Variants in ZNF691 observed in about 807,000 individuals in gnomAD.
ZNF691 encodes the protein zinc finger protein 691.
ZNF691 carries 11 observed loss-of-function variants against 24.1 expected under a neutral mutation model. The ratio of observed to expected loss-of-function variants is 0.46; its 90% CI spans 0.29 to 0.75. ZNF691 has a LOEUF of 0.75. ZNF691 is among the 30% of genes least tolerant of loss of function. ZNF691 has a pLI of 0.11. For missense variants in ZNF691, 356 were observed against 409.0 expected (o/e 0.87, Z 1.12); for synonymous variants, 149 against 153.9 (o/e 0.97, Z 0.23).
chr1:42,851,108 A>T lies in ZNF691; in HGVS notation c.243A>T (p.Gln81His), dbSNP rs1655374999. ...HGQESLSDEL[Q>H]ETHPKKPWQK... ...AAGAGAGCCTGTCGGATGAACTGCA[A>T]GAAACTCATCCAAAAAAGCCATGGC... The change falls in exon 4 of 4, where the codon CAA (glutamine) becomes CAT (histidine). Residue 81 changes from glutamine (Q) to histidine (H), a missense_variant. Gln to His is a conservative substitution (Grantham distance 24). Transcript: ENST00000651192. This position sits in a 1 kb window ranked among gnomAD's most constrained non-coding sequence, Gnocchi z 4.7. 1 of 1,613,694 alleles carries T rather than the reference A, an allele frequency of 6.2e-7. No individual in the cohort carries two copies. Among genetic ancestry groups the T allele is most frequent in the East Asian group, 2.2e-5 (1 of 44,876 alleles).
intron 1 of ZNF691, among the ~76,000 whole-genome samples, 168 bp downstream of exon 1, chr1:42,846,825 C>G (rs999743189): frequency 2.0e-4 from 31 of 152,336 alleles, no homozygotes; most frequent in Admixed American, 3.3e-4. Flanking sequence ...CGACCCTCGC[C>G]CTGGCCCCCG....
At chr1:42,848,951 A>G (rs1655308053) in intron 1 of ZNF691, among the ~76,000 whole-genome samples, 1 of 152,240 alleles carries the variant, frequency 6.6e-6, no homozygotes, top group Non-Finnish European at 1.5e-5. Flanking sequence ...GAACACTAAC[A>G]GGGATTGGCA....
chr1:42,849,839 G>A, intron 3 of ZNF691, 97 bp downstream of exon 3: 2 of 1,047,950 alleles, frequency 1.9e-6, no homozygotes, highest in East Asian at 5.2e-5. Context: ...CACAAATCAG[G>A]ACCTGTACTG....
intron 1 of ZNF691, among the ~76,000 whole-genome samples, chr1:42,847,100 C>G (rs993756628): frequency 2.0e-5 from 3 of 152,196 alleles, no homozygotes; most frequent in African/African-American, 7.2e-5. Context: ...CTTCCTCTTC[C>G]CTGACCGTCT....
intron 3 of ZNF691, chr1:42,850,682 T>C (rs78413216): frequency 1.3e-6 from 2 of 1,550,640 alleles, no homozygotes; most frequent in African/African-American, 2.7e-5. Flanking sequence ...AGTGACATTA[T>C]TCAAATGGCA....
intron 3 of ZNF691, among the ~76,000 whole-genome samples, chr1:42,850,167 C>T (rs1400732986): frequency 1.4e-5 from 2 of 146,714 alleles, no homozygotes; most frequent in Non-Finnish European, 3.0e-5. Context: ...GACCGTGTTA[C>T]GTGAGAATAT....
rs763653240 is a variant in ZNF691, at chr1:42,849,762, T to A, written c.84+20T>A. The A allele has an allele frequency of 2.3e-5, 36 of 1,546,096 alleles. No individual in the cohort carries two copies. In the South Asian group the frequency reaches 3.9e-4, roughly 17 times the overall value. On this transcript the variant is annotated intron_variant, in intron 3 of 3. Transcript: ENST00000651192. ...TCAGAGGTACTTTTCCCCCCAACTC[T>A]TTCCCTGTCCTTGGCTGTAGGAACC...
chr1:42,851,375 C>T lies in ZNF691; in HGVS notation c.510C>T (p.His170=). The change falls in exon 4 of 4, where the codon CAC becomes CAT. Residue 170 remains histidine, a synonymous_variant. Transcript: ENST00000651192. This position sits in a 1 kb window ranked among gnomAD's most constrained non-coding sequence, Gnocchi z 4.7. Reference sequence around the variant, plus strand: ...AGCGGATCCACCTGGAAGAGAAACACTACAAATGCCCCAAGTGCCAGGAGA... The same window carrying T: ...AGCGGATCCACCTGGAAGAGAAACATTACAAATGCCCCAAGTGCCAGGAGA... ...RHERIHLEEK[H]YKCPKCQESF... 9 of 1,614,176 alleles carry T rather than the reference C, an allele frequency of 5.6e-6. No individual in the cohort carries two copies. The highest frequency in any genetic ancestry group is 7.6e-6 in the Non-Finnish European group (9 of 1,180,040).
intron 1 of ZNF691, among the ~76,000 whole-genome samples, chr1:42,847,270 C>T (rs1267184158): frequency 2.0e-5 from 3 of 152,316 alleles, no homozygotes; most frequent in East Asian, 3.9e-4. Context: ...CCTGTAACTT[C>T]GGACCTCCAT....
At chr1:42,850,606 A>G (rs766558706) in intron 3 of ZNF691, 5 of 1,521,770 alleles carry the variant, frequency 3.3e-6, no homozygotes, top group Non-Finnish European at 4.4e-6. Flanking sequence ...TTATCCCAAA[A>G]TGAAAGCTCT....
chr1:42,851,254 T>G lies in ZNF691; in HGVS notation c.389T>G (p.Leu130Arg), dbSNP rs556483989. The G allele has an allele frequency of 7.4e-6, 12 of 1,613,276 alleles. No homozygotes were observed. The Admixed American group carries it at 1.2e-4, about 16-fold the overall frequency. Residue 130 changes from leucine (L) to arginine (R), a missense_variant, in exon 4 of 4, where the codon CTG becomes CGG. Leu to Arg is a moderately radical substitution (Grantham distance 102). Coordinates refer to ENST00000651192, the MANE Select transcript of ZNF691 (RefSeq NM_001242739.2). The surrounding 1 kb of genome is among the most constrained non-coding windows in gnomAD (Gnocchi z 4.7). ...CGKTFNNTSN[L>R]RTHQRIHTGE... ...AAAACCTTCAATAATACCTCCAACC[T>G]GAGAACACACCAGCGGATCCACACT...
rs192933661 is a variant in ZNF691, at chr1:42,850,314, A to G, written c.84+572A>G. 979 of 708,826 alleles carry G rather than the reference A, an allele frequency of 1.4e-3. 12 individuals are homozygous for G. In the African/African-American group the frequency reaches 0.017, roughly 13 times the overall value. The allele number at this position is 708,826 out of a possible 1,614,324, so 43.9% of individuals were successfully genotyped here. On this transcript the variant is annotated intron_variant, in intron 3 of 3. Transcript: ENST00000651192. ...TGGAGGGCACTGACTGATCAGAAGAAACACAGCCCAGGCCCCACAGTAGGT... is the reference window on the plus strand; with the variant it reads ...TGGAGGGCACTGACTGATCAGAAGAGACACAGCCCAGGCCCCACAGTAGGT...
Position 42,851,520 on chromosome 1 carries a change from C to T in ZNF691, c.655C>T (p.Arg219Trp), listed in dbSNP as rs745553499. 1 of 1,614,214 alleles carries T rather than the reference C, an allele frequency of 6.2e-7. No homozygotes were observed. ...GAGTGCCACGCTAGCTGTGCATCAC[C>T]GGACCCACCTGGAGCCAGCACCCTA... Reference protein sequence around the residue: ...SQSATLAVHHRTHLEPAPYIC... With the variant: ...SQSATLAVHHWTHLEPAPYIC... The change falls in exon 4 of 4, where the codon CGG (arginine) becomes TGG (tryptophan). Residue 219 changes from arginine to tryptophan, a missense_variant. Arg to Trp is a moderately radical substitution (Grantham distance 101, BLOSUM62 -3). Transcript: ENST00000651192. This position sits in a 1 kb window ranked among gnomAD's most constrained non-coding sequence, Gnocchi z 4.7.
intron 1 of ZNF691, among the ~76,000 whole-genome samples, chr1:42,848,522 G>A (rs1400017891): frequency 2.0e-5 from 3 of 152,210 alleles, no homozygotes; most frequent in Non-Finnish European, 4.4e-5. Context: ...GGAGATTGCT[G>A]AGGAAAAGTG....
intron 1 of ZNF691, among the ~76,000 whole-genome samples, chr1:42,847,662 G>A (rs1398679459): frequency 2.0e-5 from 3 of 152,202 alleles, no homozygotes; most frequent in African/African-American, 7.2e-5. Flanking sequence ...TGTATCATGT[G>A]AACTTCAGTG....
At position 42,851,926 on chromosome 1, in the gene ZNF691, G is replaced by A. The variant is rs1655408801; in HGVS notation, c.*113G>A. The A allele has an allele frequency of 1.3e-6, 2 of 1,500,360 alleles. No homozygotes were observed. Among genetic ancestry groups the A allele is most frequent in the Non-Finnish European group, 1.8e-6 (2 of 1,098,814 alleles). 92.9% of individuals were successfully genotyped at this position (1,500,360 alleles called of 1,614,324 possible). ...GACCTCAAGCCCTTCATCCCACTTT[G>A]GAGAATGGTTTTGTATAGCCTCTGA... On this transcript the variant is annotated 3_prime_UTR_variant, in exon 4 of 4. Coordinates refer to ENST00000651192, the MANE Select transcript of ZNF691 (RefSeq NM_001242739.2). The surrounding 1 kb of genome is among the most constrained non-coding windows in gnomAD (Gnocchi z 4.7).
chr1:42,846,973 C>T (rs1460143097), intron 1 of ZNF691, among the ~76,000 whole-genome samples: 1 of 152,040 alleles, frequency 6.6e-6, no homozygotes. Flanking sequence ...CCAAGCCCGC[C>T]GGCAATCTCT....
At position 42,850,950 on chromosome 1, in the gene ZNF691, G is replaced by A. The variant is rs1323701763; in HGVS notation, c.85G>A (p.Gly29Ser). The A allele has an allele frequency of 1.3e-6, 2 of 1,533,924 alleles. No homozygotes were observed. The highest frequency in any genetic ancestry group is 4.5e-5 in the East Asian group (2 of 44,416). ...GTTGGCCATTTGTGTTCATTCTCAG[G>A]GTTCAGAGATGGGCAGTGAGAAGGA... Reference protein sequence around the residue: ...PEEMLPLSSEGSEMGSEKEQS... With the variant: ...PEEMLPLSSESSEMGSEKEQS... The change falls in exon 4 of 4, where the codon GGT becomes AGT. Residue 29 changes from glycine to serine, a missense_variant and splice_region_variant. Gly to Ser is a moderately conservative substitution (Grantham distance 56). Transcript: ENST00000651192.
At position 42,852,009 on chromosome 1, in the gene ZNF691, T is replaced by A; in HGVS notation, c.*196T>A. 1.2e-6 allele frequency: 1 copy of A among 852,542 alleles called. No individual in the cohort carries two copies. The highest frequency in any genetic ancestry group is 1.9e-6 in the Non-Finnish European group (1 of 514,328). The allele number at this position is 852,542 out of a possible 1,614,324, so 52.8% of individuals were successfully genotyped here. Reference sequence around the variant, plus strand: ...TCTGGAATAAAAACCCTTGCCTCTTTCCAGGCCAATTTCTCGTGTTGGAAA... The same window carrying A: ...TCTGGAATAAAAACCCTTGCCTCTTACCAGGCCAATTTCTCGTGTTGGAAA... On this transcript the variant is annotated 3_prime_UTR_variant, in exon 4 of 4. Transcript: ENST00000651192.
Sources: gnomAD v4.1 joint callset for allele counts (sites outside exome capture counted in the v4.1 genomes callset) on GRCh38, gnomAD v4.1.1 for gene constraint, Gnocchi (gnomAD v3.1) non-coding constraint, MANE v1.5 for transcripts, NCBI Gene and HGNC (gene_info 2026-07-23, HGNC 2026-07-21) for gene names.